Variants in NUP210L observed in about 807,000 individuals in gnomAD.
The protein encoded by NUP210L is nucleoporin 210 like.
NUP210L carries 74 observed loss-of-function variants against 208.5 expected under a neutral mutation model. The observed-to-expected ratio is 0.35, with a 90% CI of 0.29 to 0.43. The LOEUF (loss-of-function observed/expected upper bound fraction) is 0.43, where lower values mean the gene tolerates loss of function less well. NUP210L is among the 20% of genes least tolerant of loss of function. NUP210L has a pLI of 1.00. For synonymous variants in NUP210L, 780 were observed against 816.9 expected (o/e 0.95, Z 0.77); for missense variants, 1,843 against 2,289.4 (o/e 0.81, Z 3.98).
chr1:154,155,114 C>A, exon 1 of NUP210L: 1 of 1,135,250 alleles, frequency 8.8e-7, no homozygotes, highest in Non-Finnish European at 1.3e-6. Context: ...AATCCACAGG[C>A]GTGACGTCAG....
At chr1:154,105,585 G>GT (rs767587436) in intron 12 of NUP210L, among the ~76,000 whole-genome samples, 4 of 152,196 alleles carry the variant, frequency 2.6e-5, no homozygotes, top group Admixed American at 1.3e-4. Flanking sequence ...CTGGCTTCAG[G>GT]TGTGACTCAG....
chr1:154,046,279 T>A lies in NUP210L; in HGVS notation c.3564+10A>T, dbSNP rs754736306. On this transcript the variant is annotated intron_variant, in intron 26 of 39. Coordinates refer to ENST00000368559, the Ensembl canonical transcript of NUP210L. ...GAATAATGAGCCCTGAACAGAGCCA[T>A]CATACTGACCTTGGTAGCTGTGATG... The A allele has an allele frequency of 5.6e-6, 9 of 1,614,152 alleles. No homozygotes were observed. The South Asian group carries it at 9.9e-5, about 18-fold the overall frequency.
intron 34 of NUP210L, among the ~76,000 whole-genome samples, chr1:154,010,620 C>A (rs113671540): frequency 6.6e-6 from 1 of 151,722 alleles, no homozygotes; most frequent in Non-Finnish European, 1.5e-5. Context: ...CCTGTAATCC[C>A]AGCACTTTGG....
At chr1:154,140,389 AGGCGCAG>A (rs1179866329) in intron 4 of NUP210L, among the ~76,000 whole-genome samples, 1 of 135,870 alleles carries the variant, frequency 7.4e-6, no homozygotes, top group Non-Finnish European at 1.6e-5. Flanking sequence ...GATAAAGGCA[AGGCGCAG>A]TGGCTCACGC....
At chr1:153,994,012 G>A (rs1571140891) in intron 38 of NUP210L, among the ~76,000 whole-genome samples, 1 of 152,064 alleles carries the variant, frequency 6.6e-6, no homozygotes, top group East Asian at 1.9e-4. Flanking sequence ...CTAGTAGCTG[G>A]GACTAGATGT....
At chr1:153,997,563 C>T (rs1414944382) in intron 37 of NUP210L, among the ~76,000 whole-genome samples, 1 of 151,008 alleles carries the variant, frequency 6.6e-6, no homozygotes, top group Non-Finnish European at 1.5e-5. Context: ...GCCTCCCAGG[C>T]TCAAGCGATC....
chr1:154,080,976 A>G (rs763271380), intron 16 of NUP210L, among the ~76,000 whole-genome samples: 8 of 143,662 alleles, frequency 5.6e-5, no homozygotes, highest in Admixed American at 2.1e-4. Flanking sequence ...TGTGCTTCCG[A>G]AAAAAAAAAA....
chr1:154,129,331 A>G, exon 8 of NUP210L: 1 of 1,609,964 alleles, frequency 6.2e-7, no homozygotes, highest in Non-Finnish European at 8.5e-7. Flanking sequence ...CCAGACACAG[A>G]TCGCATATGA....
intron 30 of NUP210L, 55 bp downstream of exon 30, chr1:154,025,487 A>G: frequency 8.2e-7 from 1 of 1,223,168 alleles, no homozygotes; most frequent in Non-Finnish European, 1.1e-6. Context: ...CTGCTTTTTA[A>G]GGCCAGGGTA....
intron 33 of NUP210L, among the ~76,000 whole-genome samples, chr1:154,015,906 C>CGATA (rs1349677608): frequency 4.5e-5 from 6 of 133,924 alleles, no homozygotes; most frequent in African/African-American, 1.7e-4. Flanking sequence ...GACCCTGTCT[C>CGATA]AATAAATAAA....
intron 27 of NUP210L, among the ~76,000 whole-genome samples, chr1:154,045,422 T>C (rs923444637): frequency 5.9e-5 from 9 of 152,180 alleles, no homozygotes; most frequent in Non-Finnish European, 1.3e-4. Flanking sequence ...ATACTTTATA[T>C]TCATAGTGTT....
chr1:154,126,203 ATC>A, intron 10 of NUP210L, 118 bp downstream of exon 10: 2 of 808,014 alleles, frequency 2.5e-6, no homozygotes, highest in Non-Finnish European at 4.0e-6. Flanking sequence ...TTTGCTGTTT[ATC>A]TGTTTATTTT....
At chr1:154,117,346 C>T (rs1404445398) in intron 12 of NUP210L, among the ~76,000 whole-genome samples, 4 of 152,144 alleles carry the variant, frequency 2.6e-5, no homozygotes, top group African/African-American at 4.8e-5. Context: ...TTTGGGAGGC[C>T]GAGGCAGGCA....
intron 32 of NUP210L, among the ~76,000 whole-genome samples, chr1:154,019,980 T>C (rs1318033131): frequency 1.3e-5 from 2 of 152,292 alleles, no homozygotes; most frequent in African/African-American, 4.8e-5. Context: ...CTCTGCTTCA[T>C]TGACAAGGGA....
At position 154,025,529 on chromosome 1, in the gene NUP210L, T is replaced by A. The variant is rs141709276; in HGVS notation, c.4122+13A>T. ...TTATTTATTTGTTTTTTTTAGTAAGTCCATGAACTCACCTGGACCCCAGTT... is the reference window on the plus strand; with the variant it reads ...TTATTTATTTGTTTTTTTTAGTAAGACCATGAACTCACCTGGACCCCAGTT... On this transcript the variant is annotated intron_variant, in intron 30 of 39. Transcript: ENST00000368559. 292 of 1,578,388 alleles carry A rather than the reference T, an allele frequency of 1.8e-4. 2 individuals are homozygous for A. In the African/African-American group the frequency reaches 3.3e-3, roughly 18 times the overall value.
rs202216243 is a variant in NUP210L, at chr1:154,058,162, G to A, written c.3034C>T (p.Arg1012Cys). 124 of 1,614,038 alleles carry A rather than the reference G, an allele frequency of 7.7e-5. 1 individual carries two copies. The East Asian group carries it at 1.1e-3, about 15-fold the overall frequency. Residue 1012 changes from arginine to cysteine, a missense_variant, in exon 22 of 40, where the codon CGC (arginine) becomes TGC (cysteine). Transcript: ENST00000368559. ...CTGAAGTATTTATTTTGGAATGGGC[G>A]TTTGGAAGAGCCAAGAACCCTCACA... is the stretch of plus-strand genomic sequence containing the variant.
At chr1:154,104,104 T>G (rs368415155) in exon 13 of NUP210L, 29 of 1,614,010 alleles carry the variant, frequency 1.8e-5, no homozygotes, top group Middle Eastern at 1.6e-4. Flanking sequence ...TTCTTTGGTC[T>G]CTTTATTTAT....
At chr1:154,139,703 AC>A in intron 5 of NUP210L, 98 bp downstream of exon 5, 13 of 847,542 alleles carry the variant, frequency 1.5e-5, no homozygotes, top group East Asian at 8.0e-5. Flanking sequence ...AAAAAAAAAA[AC>A]AGGGCGGGTA....
chr1:154,029,973 T>C lies in NUP210L; in HGVS notation c.3778A>G (p.Thr1260Ala), dbSNP rs766659586. 5 of 1,612,542 alleles carry C rather than the reference T, an allele frequency of 3.1e-6. No homozygotes were observed. The East Asian group carries it at 8.9e-5, about 29-fold the overall frequency. ...GAGGAACTGTTCATGCAGTGAACAGTGACCTTGATACTGGTCCTGCCTGCT... is the reference window on the plus strand; with the variant it reads ...GAGGAACTGTTCATGCAGTGAACAGCGACCTTGATACTGGTCCTGCCTGCT... Residue 1260 changes from threonine (T) to alanine (A), a missense_variant, in exon 28 of 40, where the codon ACT becomes GCT. By Grantham distance (58) the Thr-to-Ala change is moderately conservative. This residue lies in a region of NUP210L where 781 missense variants were observed against 973.8 expected (regional missense o/e 0.80). Transcript: ENST00000368559.
Sources: gnomAD v4.1 joint callset for allele counts (sites outside exome capture counted in the v4.1 genomes callset) on GRCh38, gnomAD v4.1.1 for gene constraint, gnomAD v4.1.1 regional missense constraint, MANE v1.5 for transcripts, NCBI Gene and HGNC (gene_info 2026-07-23, HGNC 2026-07-21) for gene names.